The following NCAM2 variants were observed in gnomAD, a reference collection of about 807,000 sequenced individuals.
NCAM2 encodes the protein neural cell adhesion molecule 2, also known as N-CAM-2.
In NCAM2, 30 loss-of-function variants were observed where a neutral mutation model predicts 98.1. The observed-to-expected ratio is 0.31, with a 90% CI of 0.23 to 0.41. The LOEUF is 0.41. Among genes scored for constraint, NCAM2 ranks in the 10% least tolerant of loss-of-function variants. NCAM2 has a pLI of 1.00. For synonymous variants in NCAM2, 368 were observed against 342.4 expected, an observed-to-expected ratio of 1.07 and a Z score of -0.83; for missense variants, 867 against 1,005.8, an observed-to-expected ratio of 0.86 and a Z score of 1.87.
intron 5 of NCAM2, among the ~76,000 whole-genome samples, chr21:21,312,400 C>A (rs960477555): frequency 1.3e-5 from 2 of 151,164 alleles, no homozygotes; most frequent in Admixed American, 1.3e-4. Flanking sequence ...ATCCACCTAA[C>A]AGTTTAAAGA....
chr21:21,163,476 A>ATT (rs201577435), intron 1 of NCAM2, among the ~76,000 whole-genome samples: 1 of 150,456 alleles, frequency 6.6e-6, no homozygotes, highest in African/African-American at 2.4e-5. Flanking sequence ...CGTTTGCTTT[A>ATT]TTTTTTTTTG....
chr21:21,134,240 T>G (rs2066996213), intron 1 of NCAM2, among the ~76,000 whole-genome samples: 1 of 151,998 alleles, frequency 6.6e-6, no homozygotes, highest in South Asian at 2.1e-4. Context: ...GGCTAATTTT[T>G]TTTGTATCTT....
chr21:21,215,554 A>G (rs1343493206), intron 1 of NCAM2, among the ~76,000 whole-genome samples: 1 of 152,018 alleles, frequency 6.6e-6, no homozygotes, highest in Non-Finnish European at 1.5e-5. Context: ...TCTCACCTCT[A>G]CTAAAAACAA....
chr21:21,011,716 A>G (rs1026315978), intron 1 of NCAM2, among the ~76,000 whole-genome samples: 1 of 152,108 alleles, frequency 6.6e-6, no homozygotes, highest in Non-Finnish European at 1.5e-5. Context: ...GGGAGAATAT[A>G]TTTGTAAACT....
chr21:21,220,873 T>C (rs150168738), intron 1 of NCAM2, among the ~76,000 whole-genome samples: 39 of 152,338 alleles, frequency 2.6e-4, no homozygotes, highest in African/African-American at 9.4e-4. Context: ...AAGGCATAAC[T>C]TGTTTTATTA....
intron 7 of NCAM2, among the ~76,000 whole-genome samples, chr21:21,337,602 A>G (rs927870820): frequency 2.0e-5 from 3 of 152,168 alleles, no homozygotes; most frequent in South Asian, 4.1e-4. Flanking sequence ...TATCTAAACA[A>G]GCAAACATTT....
intron 1 of NCAM2, among the ~76,000 whole-genome samples, chr21:21,130,642 C>T (rs2066914945): frequency 6.6e-6 from 1 of 152,076 alleles, no homozygotes; most frequent in African/African-American, 2.4e-5. Flanking sequence ...CATTTTAAAA[C>T]ATCTTTGCCA....
At chr21:21,264,051 C>T (rs569421705) in intron 1 of NCAM2, among the ~76,000 whole-genome samples, 2 of 152,168 alleles carry the variant, frequency 1.3e-5, no homozygotes, top group East Asian at 1.9e-4. Flanking sequence ...ACAAAACCCA[C>T]AGAAAACTTA....
intron 12 of NCAM2, among the ~76,000 whole-genome samples, chr21:21,455,096 T>C (rs966072648): frequency 2.6e-5 from 4 of 151,564 alleles, no homozygotes; most frequent in Admixed American, 2.0e-4. Context: ...GAAGATTATA[T>C]GTGTTTTTAC....
intron 1 of NCAM2, among the ~76,000 whole-genome samples, chr21:21,184,660 T>C (rs1260630456): frequency 6.6e-6 from 1 of 151,998 alleles, no homozygotes; most frequent in African/African-American, 2.4e-5. Flanking sequence ...TTGGAAAGAG[T>C]TAATATTCAA....
At chr21:21,163,552 G>T (rs1221537674) in intron 1 of NCAM2, among the ~76,000 whole-genome samples, 2 of 152,058 alleles carry the variant, frequency 1.3e-5, no homozygotes, top group African/African-American at 4.8e-5. Context: ...TGCTATGCCT[G>T]TGTTGCTTGA....
At chr21:21,002,189 C>A (rs1371506932) in intron 1 of NCAM2, among the ~76,000 whole-genome samples, 1 of 152,090 alleles carries the variant, frequency 6.6e-6, no homozygotes, top group Non-Finnish European at 1.5e-5. Flanking sequence ...CTCACTACTT[C>A]ATATCAAAGG....
chr21:21,042,081 G>A (rs148029112), intron 1 of NCAM2, among the ~76,000 whole-genome samples: 3 of 152,166 alleles, frequency 2.0e-5, no homozygotes, highest in Non-Finnish European at 4.4e-5. Context: ...ACAAAGGCAG[G>A]GATTATACTA....
chr21:21,469,627 C>CTACTA (rs1405290442), intron 14 of NCAM2, among the ~76,000 whole-genome samples: 10 of 151,712 alleles, frequency 6.6e-5, no homozygotes, highest in Non-Finnish European at 5.9e-5. Flanking sequence ...ATAATTACTC[C>CTACTA]ATAGTAGTGT....
intron 5 of NCAM2, among the ~76,000 whole-genome samples, chr21:21,301,542 C>T (rs954509103): frequency 2.9e-5 from 3 of 104,220 alleles, no homozygotes; most frequent in African/African-American, 1.1e-4. Flanking sequence ...CCCCTCCCCC[C>T]ACCCCACCAC....
chr21:21,288,242 G>A (rs898800389), intron 4 of NCAM2, among the ~76,000 whole-genome samples: 1 of 151,898 alleles, frequency 6.6e-6, no homozygotes, highest in Admixed American at 6.6e-5. Context: ...ATCAGCAGTT[G>A]TTTGAATCCA....
chr21:21,525,405 T>C (rs1426178058), intron 16 of NCAM2, among the ~76,000 whole-genome samples: 1 of 152,098 alleles, frequency 6.6e-6, no homozygotes, highest in African/African-American at 2.4e-5. Flanking sequence ...ATGCCAATAA[T>C]TTGATAACCA....
intron 1 of NCAM2, among the ~76,000 whole-genome samples, chr21:21,044,833 C>T (rs188195129): frequency 2.0e-4 from 30 of 151,958 alleles, no homozygotes; most frequent in Admixed American, 1.4e-3. Flanking sequence ...GGCATGGTGG[C>T]GTGCATCTGT....
intron 12 of NCAM2, among the ~76,000 whole-genome samples, chr21:21,464,473 T>A: frequency 6.6e-6 from 1 of 152,202 alleles, no homozygotes; most frequent in Non-Finnish European, 1.5e-5. Context: ...ATTTTTAAAC[T>A]CTTGTTAAAG....
Sources: gnomAD v4.1 joint callset for allele counts (sites outside exome capture counted in the v4.1 genomes callset) on GRCh38, gnomAD v4.1.1 for gene constraint, MANE v1.5 for transcripts, NCBI Gene and HGNC (gene_info 2026-07-23, HGNC 2026-07-21) for gene names.